ROBO2: variants seen among roughly 807,000 people sequenced by gnomAD.
ROBO2 encodes the protein roundabout guidance receptor 2.
ROBO2 carries 53 observed loss-of-function variants against 160.8 expected under a neutral mutation model. The ratio of observed to expected loss-of-function variants is 0.33; its 90% CI spans 0.26 to 0.41. The LOEUF is 0.41. ROBO2 is among the 10% of genes least tolerant of loss of function. ROBO2 has a pLI of 1.00. For synonymous variants in ROBO2, 664 were observed against 611.7 expected (o/e 1.09, Z -1.26); for missense variants, 1,577 against 1,722.4 (o/e 0.92, Z 1.49).
intron 2 of ROBO2, chr3:76,311,116 G>C (rs1224823937): frequency 1.3e-5 from 2 of 152,170 alleles, no homozygotes; most frequent in African/African-American, 2.4e-5. Flanking sequence ...TGAGGAGAAG[G>C]AGCCGGATCC....
chr3:77,038,714 C>A (rs751840721), upstream of ROBO2, among the ~76,000 whole-genome samples: 4 of 152,182 alleles, frequency 2.6e-5, no homozygotes, highest in Non-Finnish European at 5.9e-5. Flanking sequence ...CCGGCCGCAC[C>A]GGGGCACCGC....
At chr3:76,905,489 A>C (rs1489279242) in intron 2 of ROBO2, among the ~76,000 whole-genome samples, 1 of 152,150 alleles carries the variant, frequency 6.6e-6, no homozygotes, top group Non-Finnish European at 1.5e-5. Flanking sequence ...GTTTGTTCCC[A>C]TTAGTCCAAA....
intron 2 of ROBO2, among the ~76,000 whole-genome samples, chr3:76,537,724 A>G (rs2082587466): frequency 6.6e-6 from 1 of 152,156 alleles, no homozygotes; most frequent in Admixed American, 6.5e-5. Flanking sequence ...GCTTTGTGTG[A>G]GCAACAAGGC....
chr3:76,342,977 G>C (rs960398763), intron 2 of ROBO2, among the ~76,000 whole-genome samples: 23 of 151,964 alleles, frequency 1.5e-4, no homozygotes, highest in Non-Finnish European at 2.9e-4. Context: ...TAAGTAGCTT[G>C]TTTGCATTAT....
chr3:77,068,722 T>C (rs555403966), intron 1 of ROBO2, among the ~76,000 whole-genome samples: 1 of 152,220 alleles, frequency 6.6e-6, no homozygotes, highest in Non-Finnish European at 1.5e-5. Flanking sequence ...GTAATGTTTT[T>C]GTGAACATTA....
chr3:76,046,924 A>G (rs2067472491), intron 2 of ROBO2, among the ~76,000 whole-genome samples: 1 of 152,196 alleles, frequency 6.6e-6, no homozygotes, highest in Non-Finnish European at 1.5e-5. Context: ...TCGTCAAAGT[A>G]TCCATTTGTT....
At chr3:75,960,591 G>A (rs555544435) in intron 2 of ROBO2, among the ~76,000 whole-genome samples, 4 of 151,702 alleles carry the variant, frequency 2.6e-5, no homozygotes, top group African/African-American at 4.8e-5. Context: ...AAGCTAATAA[G>A]GTGGCTTTTA....
At chr3:76,771,017 T>G (rs1467206289) in intron 2 of ROBO2, among the ~76,000 whole-genome samples, 2 of 151,344 alleles carry the variant, frequency 1.3e-5, no homozygotes, top group Non-Finnish European at 3.0e-5. Context: ...TACTGAGATG[T>G]TTTCTACCTT....
chr3:76,184,191 G>T (rs1701636771), intron 2 of ROBO2, among the ~76,000 whole-genome samples: 1 of 152,096 alleles, frequency 6.6e-6, no homozygotes, highest in Admixed American at 6.6e-5. Context: ...TGCTTCTCCA[G>T]TGGGCTTTCT....
chr3:76,904,304 C>G (rs532317787), intron 2 of ROBO2, among the ~76,000 whole-genome samples: 2 of 152,220 alleles, frequency 1.3e-5, no homozygotes, highest in African/African-American at 4.8e-5. Context: ...CATACGGAAA[C>G]TACAACAACA....
chr3:76,752,275 C>T (rs189738062), intron 2 of ROBO2, among the ~76,000 whole-genome samples: 1 of 151,032 alleles, frequency 6.6e-6, no homozygotes, highest in Admixed American at 6.6e-5. Context: ...ACATCACACA[C>T]CGGGGCCTGT....
intron 2 of ROBO2, among the ~76,000 whole-genome samples, chr3:76,804,134 G>T (rs762339863): frequency 9.2e-5 from 14 of 152,170 alleles, no homozygotes; most frequent in Non-Finnish European, 1.6e-4. Flanking sequence ...CTCTTAGGGA[G>T]AGAATAAAAG....
chr3:76,994,090 GT>G lies in ROBO2; in HGVS notation c.110-103912del, dbSNP rs796087841. Among the ~76,000 whole-genome samples the G allele has an allele frequency of 4.5e-3, 449 of 98,964 alleles. 1 individual carries two copies. Among genetic ancestry groups the G allele is most frequent in the African/African-American group, 0.016 (340 of 21,846 alleles). The allele number at this position is 98,964 out of a possible 152,430, so 64.9% of individuals were successfully genotyped here. A position where few individuals can be genotyped will look rare whatever the true frequency, so the allele number is the denominator to read the frequency against. On this transcript the variant is annotated intron_variant, in intron 2 of 26. Transcript: ENST00000487694. ...AAAAAAACAAAGATGTGCTTTTTTT[GT>G]TTTTTTTTTTTGTTGTTTTAAAGCT...
intron 19 of ROBO2, 91 bp downstream of exon 20, chr3:77,596,841 A>G: frequency 1.4e-6 from 2 of 1,443,654 alleles, no homozygotes; most frequent in Non-Finnish European, 1.9e-6. Flanking sequence ...GAAACATATC[A>G]GAGAGTATTT....
Position 75,986,164 on chromosome 3 carries a change from A to G in ROBO2, c.109+48562A>G, listed in dbSNP as rs541239862. On this transcript the variant is annotated intron_variant, in intron 2 of 26. Coordinates refer to the ROBO2 transcript ENST00000487694. The stretch of plus-strand genomic sequence containing the variant: ...CATTTTACATCCTCACCAACAGTGC[A>G]CAAGTGTTACAGTTTCCCACATTCT... 4.6e-5 allele frequency among the ~76,000 whole-genome samples: 7 copies of G among 151,438 alleles called. No homozygotes were observed. The South Asian group carries it at 8.3e-4, about 18-fold the overall frequency.
chr3:77,065,175 G>A (rs2066713018), intron 1 of ROBO2, among the ~76,000 whole-genome samples: 1 of 152,124 alleles, frequency 6.6e-6, no homozygotes, highest in Non-Finnish European at 1.5e-5. Context: ...TTCCCAAGGA[G>A]CTTCAAGCAC....
At chr3:76,741,393 C>G (rs2093799623) in intron 2 of ROBO2, among the ~76,000 whole-genome samples, 1 of 151,888 alleles carries the variant, frequency 6.6e-6, no homozygotes, top group Admixed American at 6.6e-5. Context: ...ATTTATGTGC[C>G]TAATCATTAT....
chr3:76,788,337 T>C (rs1054697166), intron 2 of ROBO2, among the ~76,000 whole-genome samples: 3 of 151,528 alleles, frequency 2.0e-5, no homozygotes, highest in African/African-American at 7.3e-5. Flanking sequence ...TTAAGTGCCA[T>C]CTGTGCCTTA....
At chr3:76,717,824 G>GCAAATTAAAAA (rs1560436720) in intron 2 of ROBO2, among the ~76,000 whole-genome samples, 3 of 151,564 alleles carry the variant, frequency 2.0e-5, no homozygotes, top group Admixed American at 6.6e-5. Flanking sequence ...CCATAACCAA[G>GCAAATTAAAAA]ATTTGCAGGT....
Sources: allele counts gnomAD v4.1 joint callset (sites outside exome capture counted in the v4.1 genomes callset), GRCh38; gene constraint gnomAD v4.1.1; transcripts MANE v1.5; gene names NCBI Gene and HGNC (gene_info 2026-07-23, HGNC 2026-07-21).